The following ZNF385C variants were observed in gnomAD, a reference collection of about 807,000 sequenced individuals.
ZNF385C encodes zinc finger protein 385C.
ZNF385C carries 28 observed loss-of-function variants against 35.4 expected under a neutral mutation model. The ratio of observed to expected loss-of-function variants is 0.79; its 90% CI spans 0.59 to 1.08. ZNF385C has a LOEUF of 1.08. Ranked by LOEUF, ZNF385C falls within the 50% of genes least tolerant of loss-of-function variation. The probability of loss-of-function intolerance (pLI) is 0.00; values close to 1 mark genes in which losing one functional copy is unlikely to be tolerated. For missense variants in ZNF385C, 605 were observed against 595.6 expected (o/e 1.02, Z -0.16); for synonymous variants, 248 against 248.2 (o/e 1.00, Z 0.01).
rs1417423804 is a variant in ZNF385C at position 42,062,833 on chromosome 17, C to G, written c.224G>C (p.Ser75Thr). 6 of 614,700 alleles carry G rather than the reference C, an allele frequency of 9.8e-6. No homozygotes were observed. The highest frequency in any genetic ancestry group is 1.5e-5 in the Non-Finnish European group (5 of 344,296). The allele number at this position is 614,700 out of a possible 1,614,324, so 38.1% of individuals were successfully genotyped here. A position where few individuals can be genotyped will look rare whatever the true frequency, so the allele number is the denominator to read the frequency against. ...RAHQRRLRQL[S>T]LGKSPSGPAG... ...TGGCCCTGAGGGGCTCTTCCCCAAG[C>G]TGAGCTGCCGAAGCCGCCTCTGGTG... Residue 75 changes from serine (S) to threonine (T), a missense_variant, in exon 2 of 9, where the codon AGC (serine) becomes ACC (threonine). By Grantham distance (58) the Ser-to-Thr change is moderately conservative. Coordinates refer to ENST00000692273, the MANE Select transcript of ZNF385C (RefSeq NM_001392013.1).
intron 1 of ZNF385C, among the ~76,000 whole-genome samples, chr17:42,080,807 C>T (rs1555659669): frequency 6.6e-6 from 1 of 152,230 alleles, no homozygotes; most frequent in South Asian, 2.1e-4. Context: ...CCCAGGCCCA[C>T]TGGTGCAGCT....
intron 2 of ZNF385C, chr17:42,043,231 C>T (rs1314698942): frequency 1.8e-5 from 22 of 1,232,252 alleles, no homozygotes; most frequent in South Asian, 8.2e-5. Flanking sequence ...CAGGGCCTGG[C>T]GGCACTCGAG....
chr17:42,027,486 C>CT, intron 8 of ZNF385C, 132 bp downstream of exon 8: 1 of 796,850 alleles, frequency 1.3e-6, no homozygotes, highest in East Asian at 2.8e-5. Context: ...AGGCCTAGCT[C>CT]TGTCACTGCC....
chr17:42,070,564 A>G (rs1015080483), intron 1 of ZNF385C, among the ~76,000 whole-genome samples: 2 of 152,188 alleles, frequency 1.3e-5, no homozygotes, highest in Admixed American at 6.5e-5. Flanking sequence ...CATCGCCTCC[A>G]TGAATCCTCA....
At chr17:42,029,682 C>A (rs2052682844) in intron 5 of ZNF385C, among the ~76,000 whole-genome samples, 1 of 151,792 alleles carries the variant, frequency 6.6e-6, no homozygotes, top group Middle Eastern at 3.2e-3. Flanking sequence ...CCACTGCACT[C>A]CAGCCTGGGC....
intron 1 of ZNF385C, among the ~76,000 whole-genome samples, chr17:42,092,398 C>T (rs1209696312): frequency 2.0e-5 from 3 of 150,432 alleles, no homozygotes; most frequent in African/African-American, 7.3e-5. Flanking sequence ...AAGCGAGATT[C>T]GTGTCAAAAA....
At chr17:42,096,729 C>G (rs1054961279) in intron 1 of ZNF385C, among the ~76,000 whole-genome samples, 2 of 152,170 alleles carry the variant, frequency 1.3e-5, no homozygotes, top group African/African-American at 4.8e-5. Flanking sequence ...CAAGCCAGAG[C>G]TTGTTCCACT....
At chr17:42,040,486 A>AGGGAGAGCTTCTGCACAGAG in intron 2 of ZNF385C, 1 of 1,232,400 alleles carries the variant, frequency 8.1e-7, no homozygotes, top group Non-Finnish European at 1.0e-6. Flanking sequence ...CTGCAGGACA[A>AGGGAGAGCTTCTGCACAGAG]GGGAGAGCTT....
At position 42,026,915 on chromosome 17, in the gene ZNF385C, G is replaced by A. The variant is rs1257050199; in HGVS notation, c.1494C>T (p.Ile498=). Residue 498 remains isoleucine (I), a synonymous_variant, in exon 9 of 9, where the codon ATC becomes ATT. Coordinates refer to ENST00000692273, the MANE Select transcript of ZNF385C (RefSeq NM_001392013.1). ...ATGAGGGCTAATAAGGGGCAAGGACGATAGGTCCTGTGGCAGGGCGGACAG... is the reference window on the plus strand; with the variant it reads ...ATGAGGGCTAATAAGGGGCAAGGACAATAGGTCCTGTGGCAGGGCGGACAG... ...AGAVRPATGP[I]VLAPY is the part of the protein sequence containing the mutation. The A allele has an allele frequency of 1.9e-6, 3 of 1,599,258 alleles. No individual in the cohort carries two copies. The highest frequency in any genetic ancestry group is 3.5e-5 in the Admixed American group (2 of 56,520).
chr17:42,027,525 T>C (rs1268676028), intron 8 of ZNF385C, 93 bp downstream of exon 8: 1 of 1,151,494 alleles, frequency 8.7e-7, no homozygotes, highest in African/African-American at 1.6e-5. Context: ...GTGGCCTCTT[T>C]TCCTGCCCCA....
At chr17:42,033,214 A>G (rs918640805) in intron 4 of ZNF385C, among the ~76,000 whole-genome samples, 4 of 152,194 alleles carry the variant, frequency 2.6e-5, no homozygotes, top group Admixed American at 6.5e-5. Context: ...CTGGCATCCA[A>G]CCGAAACCCC....
In ZNF385C at chr17:42,082,806, G is replaced by A. The variant is rs528014623; in HGVS notation, c.-3+15604C>T. Among the ~76,000 whole-genome samples, 10 of 152,272 alleles carry A rather than the reference G, an allele frequency of 6.6e-5. No individual in the cohort carries two copies. The East Asian group carries it at 1.9e-3, about 29-fold the overall frequency. ...AAATTAGCCAGGCAAGGCCAGGCGC[G>A]GTGGCTTACACCTGTAATCCCAGCA... On this transcript the variant is annotated intron_variant, in intron 1 of 8. Coordinates refer to ENST00000692273, the MANE Select transcript of ZNF385C (RefSeq NM_001392013.1).
chr17:42,041,107 G>A, intron 2 of ZNF385C: 1 of 1,232,304 alleles, frequency 8.1e-7, no homozygotes. Context: ...CCAGTCTCTG[G>A]TCTCGTCCAA....
intron 1 of ZNF385C, 101 bp from the exon 2 acceptor site, chr17:42,063,159 T>C: frequency 1.9e-6 from 1 of 529,670 alleles, no homozygotes; most frequent in Non-Finnish European, 3.4e-6. Flanking sequence ...CTCTGTATCC[T>C]CTATATCCCT....
chr17:42,078,144 G>A (rs554703806), intron 1 of ZNF385C, among the ~76,000 whole-genome samples: 17 of 152,266 alleles, frequency 1.1e-4, no homozygotes, highest in African/African-American at 4.1e-4. Context: ...GTTTGCTTCT[G>A]GGCAGAGATG....
intron 3 of ZNF385C, among the ~76,000 whole-genome samples, chr17:42,036,300 C>CT (rs1285222482): frequency 6.6e-6 from 1 of 152,006 alleles, no homozygotes; most frequent in Admixed American, 6.6e-5. Flanking sequence ...CACCTAGCTT[C>CT]TTTTCCTTAT....
intron 2 of ZNF385C, chr17:42,039,948 G>C: frequency 8.1e-7 from 1 of 1,231,188 alleles, no homozygotes; most frequent in Non-Finnish European, 1.0e-6. Flanking sequence ...CGGCGAAGTC[G>C]GGGAAGAGCT....
chr17:42,072,480 T>G (rs1290312487), intron 1 of ZNF385C, among the ~76,000 whole-genome samples: 1 of 151,922 alleles, frequency 6.6e-6, no homozygotes, highest in Non-Finnish European at 1.5e-5. Flanking sequence ...GCGGGCCCCC[T>G]CCCGCCGGCT....
At chr17:42,030,027 CA>C (rs201594725) in intron 5 of ZNF385C, among the ~76,000 whole-genome samples, 58 of 130,206 alleles carry the variant, frequency 4.5e-4, no homozygotes, top group Non-Finnish European at 3.5e-4. Flanking sequence ...GACCCTGTCT[CA>C]AAAAAAAAAA....
Sources: gnomAD v4.1 joint callset for allele counts (sites outside exome capture counted in the v4.1 genomes callset) on GRCh38, gnomAD v4.1.1 for gene constraint, MANE v1.5 for transcripts, NCBI Gene and HGNC (gene_info 2026-07-23, HGNC 2026-07-21) for gene names.